GABRA1: variants seen among roughly 807,000 people sequenced by gnomAD.
The protein encoded by GABRA1 is gamma-aminobutyric acid type A receptor subunit alpha1.
Under a neutral mutation model 48.9 loss-of-function variants are expected in GABRA1, and 9 were observed. The ratio of observed to expected loss-of-function variants is 0.18; its 90% CI spans 0.11 to 0.32. The LOEUF is 0.32. GABRA1 is among the 10% of genes least tolerant of loss of function. The probability of loss-of-function intolerance (pLI) is 1.00; values close to 1 mark genes in which losing one functional copy is unlikely to be tolerated. For missense variants in GABRA1, 285 were observed against 553.8 expected, an observed-to-expected ratio of 0.51 and a Z score of 4.87; for synonymous variants, 210 against 198.7, an observed-to-expected ratio of 1.06 and a Z score of -0.48.
At chr5:161,870,131 T>C (rs984686314) in intron 4 of GABRA1, among the ~76,000 whole-genome samples, 1 of 152,182 alleles carries the variant, frequency 6.6e-6, no homozygotes, top group Admixed American at 6.5e-5. Flanking sequence ...TATCCCATTT[T>C]ATAGATTAAG....
At chr5:161,878,424 A>G (rs962209185) in intron 6 of GABRA1, among the ~76,000 whole-genome samples, 1 of 152,224 alleles carries the variant, frequency 6.6e-6, no homozygotes, top group Admixed American at 6.5e-5. Context: ...AGAATGGGCT[A>G]AAAATATTTT....
intron 8 of GABRA1, among the ~76,000 whole-genome samples, chr5:161,895,242 T>TTC: frequency 6.6e-6 from 1 of 152,254 alleles, no homozygotes; most frequent in African/African-American, 2.4e-5. Context: ...GTTTACATAT[T>TTC]TGGGGTACAT....
At chr5:161,859,850 G>A (rs1333715666) in intron 3 of GABRA1, among the ~76,000 whole-genome samples, 1 of 151,748 alleles carries the variant, frequency 6.6e-6, no homozygotes, top group African/African-American at 2.4e-5. Flanking sequence ...ATTAAAAGAT[G>A]GTTAGGTTTA....
At chr5:161,869,584 G>A (rs1446239399) in intron 4 of GABRA1, among the ~76,000 whole-genome samples, 1 of 152,206 alleles carries the variant, frequency 6.6e-6, no homozygotes, top group South Asian at 2.1e-4. Context: ...ACAGAGCCTT[G>A]TTTTCCATAG....
At chr5:161,868,293 C>A (rs1276487678) in intron 4 of GABRA1, among the ~76,000 whole-genome samples, 1 of 152,116 alleles carries the variant, frequency 6.6e-6, no homozygotes, top group Admixed American at 6.6e-5. Context: ...CTTTCCTTTG[C>A]TGGGGTGTAC....
intron 1 of GABRA1, 68 bp from the exon 2 acceptor site, chr5:161,850,728 C>T: frequency 7.6e-7 from 1 of 1,308,450 alleles, no homozygotes; most frequent in Non-Finnish European, 1.1e-6. Flanking sequence ...CTGCCTCAGT[C>T]AGCCCTGGTG....
chr5:161,893,004 C>CAAA (rs201136274), intron 8 of GABRA1, among the ~76,000 whole-genome samples: 758 of 33,940 alleles, frequency 0.022, 18 homozygotes, highest in African/African-American at 0.085. Flanking sequence ...GACTCCTTCT[C>CAAA]AAAAAAATAA....
intron 4 of GABRA1, among the ~76,000 whole-genome samples, chr5:161,869,651 G>A (rs549161294): frequency 1.8e-4 from 28 of 152,246 alleles, no homozygotes; most frequent in African/African-American, 5.5e-4. Flanking sequence ...GCACAGGCAG[G>A]AACACTTCAA....
chr5:161,865,891 T>A, intron 4 of GABRA1, 103 bp downstream of exon 4: 1 of 894,338 alleles, frequency 1.1e-6, no homozygotes, highest in Non-Finnish European at 1.9e-6. Context: ...TGAAAAGTCT[T>A]GGCTATACTT....
chr5:161,875,216 A>G (rs1331896754), intron 5 of GABRA1, among the ~76,000 whole-genome samples: 3 of 152,142 alleles, frequency 2.0e-5, no homozygotes, highest in Admixed American at 2.0e-4. Context: ...ATAAAGTAGT[A>G]TTTACGCAAG....
chr5:161,871,693 C>T (rs1754128306), intron 4 of GABRA1, among the ~76,000 whole-genome samples: 1 of 152,120 alleles, frequency 6.6e-6, no homozygotes, highest in East Asian at 1.9e-4. Flanking sequence ...TGAGTAAATT[C>T]CCTTTATGTA....
At chr5:161,853,829 T>C in intron 2 of GABRA1, 1 of 175,380 alleles carries the variant, frequency 5.7e-6, no homozygotes, top group Non-Finnish European at 1.1e-5. Flanking sequence ...AGGTTTGTTT[T>C]CTCTATTTTT....
intron 9 of GABRA1, 72 bp downstream of exon 9, chr5:161,895,940 G>A: frequency 7.4e-7 from 1 of 1,353,142 alleles, no homozygotes; most frequent in East Asian, 2.3e-5. Context: ...AGATGTTTTG[G>A]CCTGTGGTAT....
At chr5:161,862,716 T>C (rs1190144930) in intron 3 of GABRA1, among the ~76,000 whole-genome samples, 1 of 151,978 alleles carries the variant, frequency 6.6e-6, no homozygotes, top group Non-Finnish European at 1.5e-5. Flanking sequence ...AAGTGGCACA[T>C]AGAAAATGTT....
upstream of GABRA1, chr5:161,847,773 A>G (rs1465490071): frequency 6.6e-6 from 1 of 152,168 alleles, no homozygotes; most frequent in African/African-American, 2.4e-5. Flanking sequence ...CAGTGGTTTA[A>G]TATTTGATCA....
chr5:161,867,776 T>G (rs1341798527), intron 4 of GABRA1, among the ~76,000 whole-genome samples: 1 of 152,176 alleles, frequency 6.6e-6, no homozygotes, highest in Admixed American at 6.6e-5. Flanking sequence ...GAAATCATTT[T>G]TATTAGTCCA....
intron 6 of GABRA1, among the ~76,000 whole-genome samples, chr5:161,877,132 G>T (rs1754391482): frequency 1.3e-5 from 2 of 152,070 alleles, no homozygotes; most frequent in Non-Finnish European, 1.5e-5. Flanking sequence ...TTGTGGTATA[G>T]ACAGGGTCTA....
intron 1 of GABRA1, chr5:161,849,114 T>C (rs1757339540): frequency 2.8e-6 from 1 of 354,220 alleles, no homozygotes; most frequent in Non-Finnish European, 5.5e-6. Context: ...GCCTTTCTTT[T>C]AAACTATTAT....
chr5:161,892,046 C>T (rs534809474), intron 8 of GABRA1, among the ~76,000 whole-genome samples: 3 of 152,156 alleles, frequency 2.0e-5, no homozygotes, highest in African/African-American at 4.8e-5. Flanking sequence ...GGAGCCAGGA[C>T]GAAGACCCTA....
Sources: gnomAD v4.1 joint callset for allele counts (sites outside exome capture counted in the v4.1 genomes callset) on GRCh38, gnomAD v4.1.1 for gene constraint, MANE v1.5 for transcripts, NCBI Gene and HGNC (gene_info 2026-07-23, HGNC 2026-07-21) for gene names.